Variants in SYT7 observed in about 807,000 individuals in gnomAD.
SYT7 encodes synaptotagmin-7.
Under a neutral mutation model 75.1 loss-of-function variants are expected in SYT7, and 29 were observed. That is an observed-to-expected ratio of 0.39 (90% CI 0.29 to 0.53). The LOEUF is 0.53. SYT7 is among the 20% of genes least tolerant of loss of function. The pLI is 0.77. For missense variants in SYT7, 693 were observed against 953.2 expected (o/e 0.73, Z 3.59); for synonymous variants, 376 against 401.7 (o/e 0.94, Z 0.76).
chr11:61,544,745 C>T (rs558228435), intron 5 of SYT7, among the ~76,000 whole-genome samples: 14 of 152,250 alleles, frequency 9.2e-5, no homozygotes, highest in East Asian at 1.9e-4. Context: ...GGAGACTGGC[C>T]GGGGCAGGCT....
chr11:61,573,877 G>A (rs1488919380), intron 1 of SYT7, among the ~76,000 whole-genome samples: 1 of 152,222 alleles, frequency 6.6e-6, no homozygotes, highest in Non-Finnish European at 1.5e-5. Flanking sequence ...ACACCCTTAG[G>A]TCTGGCAGCG....
chr11:61,567,124 A>G (rs2063791528), intron 1 of SYT7, among the ~76,000 whole-genome samples: 2 of 152,160 alleles, frequency 1.3e-5, no homozygotes, highest in Non-Finnish European at 2.9e-5. Context: ...AACTAGTGGG[A>G]ATCCAGGGGC....
rs1215649376 is a variant in SYT7 at position 61,542,217 on chromosome 11, G to A, written c.935C>T (p.Ser312Phe). 2.0e-6 allele frequency: 3 copies of A among 1,534,192 alleles called. No individual in the cohort carries two copies. Among genetic ancestry groups the A allele is most frequent in the Non-Finnish European group, 2.6e-6 (3 of 1,146,118 alleles). ...QIRNRGLDMK[S>F]FLEGRMVVLS... ...GCTCAAGGGGAGGACTTACAGGAAG[G>A]ATTTCATGTCCAAGCCTCGGTTTCG... Residue 312 changes from serine (S) to phenylalanine (F), a missense_variant, in exon 6 of 13, where the codon TCC becomes TTC. Coordinates refer to ENST00000539008, the MANE Select transcript of SYT7 (RefSeq NM_001365809.2). This position sits in a 1 kb window ranked among gnomAD's most constrained non-coding sequence, Gnocchi z 7.8.
chr11:61,530,185 T>A (rs2062661123), intron 8 of SYT7, among the ~76,000 whole-genome samples: 1 of 152,234 alleles, frequency 6.6e-6, no homozygotes, highest in Admixed American at 6.5e-5. Context: ...ACCCAGTTTA[T>A]CGGCCAGGAA....
At position 61,546,412 on chromosome 11, in the gene SYT7, G is replaced by C. The variant is rs905395593; in HGVS notation, c.348-157C>G. On this transcript the variant is annotated intron_variant, in intron 4 of 12. Transcript: ENST00000539008. The surrounding 1 kb of genome is among the most constrained non-coding windows in gnomAD (Gnocchi z 7.6). ...GACAGTGAGAGAGGAGGAGGAGAGA[G>C]ACAGACGGACATGAGACAGACAGAG... 52 of 573,514 alleles carry C rather than the reference G, an allele frequency of 9.1e-5. No individual in the cohort carries two copies. The highest frequency in any genetic ancestry group is 1.5e-4 in the Non-Finnish European group (48 of 327,594). 35.5% of individuals were successfully genotyped at this position (573,514 alleles called of 1,614,324 possible).
At chr11:61,556,993 A>ATGAGACC (rs113226799) in intron 1 of SYT7, among the ~76,000 whole-genome samples, 13,336 of 152,110 alleles carry the variant, frequency 0.088, 1,409 homozygotes, top group African/African-American at 0.25. Context: ...CTTGGCAAAG[A>ATGAGACC]TGTCCTGGGA....
In SYT7 at chr11:61,556,087, G is replaced by T. The variant is rs757434747; in HGVS notation, c.135+17C>A. 12 of 1,608,396 alleles carry T rather than the reference G, an allele frequency of 7.5e-6. No individual in the cohort carries two copies. The highest frequency in any genetic ancestry group is 1.7e-5 in the Admixed American group (1 of 59,720). ...AGGGCTAGGCACCACCCTCCAAGGG[G>T]CCCTCAGGAGCCTCACCAGTTTGCG... On this transcript the variant is annotated intron_variant, in intron 2 of 12. Transcript: ENST00000539008.
At position 61,523,352 on chromosome 11, in the gene SYT7, G is replaced by T; in HGVS notation, c.1757-78C>A. On this transcript the variant is annotated intron_variant, in intron 11 of 12. Coordinates refer to ENST00000539008, the MANE Select transcript of SYT7 (RefSeq NM_001365809.2). This position sits in a 1 kb window ranked among gnomAD's most constrained non-coding sequence, Gnocchi z 5.0. ...AGGATCCTTTTCCCCTTCCAGGAAT[G>T]GAAGCTGAGGCAGGAGGGCCGTGTG... 1 of 1,419,230 alleles carries T rather than the reference G, an allele frequency of 7.0e-7. No homozygotes were observed. The allele number at this position is 1,419,230 out of a possible 1,614,324, so 87.9% of individuals were successfully genotyped here. A position where few individuals can be genotyped will look rare whatever the true frequency, so the allele number is the denominator to read the frequency against.
intron 9 of SYT7, chr11:61,526,350 A>T (rs1177611518): frequency 1.3e-5 from 2 of 152,096 alleles, no homozygotes; most frequent in Admixed American, 6.6e-5. Context: ...AGGTCACTGC[A>T]CCCCAGTCAG....
At chr11:61,584,388 C>A (rs1297453302), upstream of SYT7, among the ~76,000 whole-genome samples, 1 of 104,806 alleles carries the variant, frequency 9.5e-6, no homozygotes, top group Non-Finnish European at 2.0e-5. Context: ...GAATGAGACT[C>A]CGTCTCAAAA....
At chr11:61,569,627 T>C (rs1258981036) in intron 1 of SYT7, among the ~76,000 whole-genome samples, 2 of 150,310 alleles carry the variant, frequency 1.3e-5, no homozygotes, top group African/African-American at 4.9e-5. Flanking sequence ...AGAGAGGAAG[T>C]GAGAAGGTGC....
chr11:61,532,177 T>G (rs2062732971), intron 8 of SYT7, among the ~76,000 whole-genome samples: 1 of 152,178 alleles, frequency 6.6e-6, no homozygotes, highest in Non-Finnish European at 1.5e-5. Context: ...GGAGATGAAG[T>G]GTCCCAGGTC....
At chr11:61,585,180 G>T (rs79642799), upstream of SYT7, among the ~76,000 whole-genome samples, 8,947 of 152,288 alleles carry the variant, frequency 0.059, 291 homozygotes, top group Non-Finnish European at 0.074. Context: ...AGGAGGCAGG[G>T]CTCCTGAGTT....
chr11:61,547,155 C>A, intron 4 of SYT7, 22 bp downstream of exon 4: 1 of 1,534,478 alleles, frequency 6.5e-7, no homozygotes, highest in South Asian at 1.2e-5. Context: ...TACATATGAT[C>A]AAACCAGGTA....
At chr11:61,574,238 T>C in intron 1 of SYT7, among the ~76,000 whole-genome samples, 1 of 152,184 alleles carries the variant, frequency 6.6e-6, no homozygotes, top group East Asian at 1.9e-4. Context: ...TCTCACCTCA[T>C]CTTCCAACCG....
rs2062105353 is a variant in SYT7, at chr11:61,514,180, T to C, written c.*4447A>G. On this transcript the variant is annotated 3_prime_UTR_variant, in exon 13 of 13. Transcript: ENST00000539008. ...AGTGGCAAGGGACTGCCCCCTGTGCTGGGCCTGAGCTGTCTCTGACTTCAG... is the reference window on the plus strand; with the variant it reads ...AGTGGCAAGGGACTGCCCCCTGTGCCGGGCCTGAGCTGTCTCTGACTTCAG... 6.6e-6 allele frequency among the ~76,000 whole-genome samples: 1 copy of C among 152,226 alleles called. No individual in the cohort carries two copies. The highest frequency in any genetic ancestry group is 1.5e-5 in the Non-Finnish European group (1 of 68,042).
At chr11:61,538,816 G>A (rs564513861) in intron 6 of SYT7, among the ~76,000 whole-genome samples, 14 of 152,314 alleles carry the variant, frequency 9.2e-5, no homozygotes, top group South Asian at 6.2e-4. Context: ...TGAAAGTTTC[G>A]AAATCCAGTG....
intron 6 of SYT7, chr11:61,541,330 G>A (rs1042956518): frequency 1.0e-6 from 1 of 984,976 alleles, no homozygotes; most frequent in African/African-American, 1.8e-5. Flanking sequence ...GCAAAGGAGG[G>A]GGGTGATGTT....
In SYT7 at chr11:61,556,142, C is replaced by G. The variant is rs142606373; in HGVS notation, c.97G>C (p.Val33Leu). The G allele has an allele frequency of 7.4e-6, 12 of 1,614,034 alleles. No individual in the cohort carries two copies. The highest frequency in any genetic ancestry group is 1.7e-4 in the Middle Eastern group (1 of 6,054). ...CACCAGTGGCAGAGGCCGCAGAGGA[C>G]GACAGTGACGCTAAGGCTGACGGTG... ...IITVSLSVTV[V>L]LCGLCHWCQR... is the part of the protein sequence containing the mutation. The change falls in exon 2 of 13, where the codon GTC becomes CTC. Residue 33 changes from valine to leucine, a missense_variant. Transcript: ENST00000539008.
Sources: allele counts gnomAD v4.1 joint callset (sites outside exome capture counted in the v4.1 genomes callset), GRCh38; gene constraint gnomAD v4.1.1; non-coding constraint Gnocchi (gnomAD v3.1); transcripts MANE v1.5; gene names NCBI Gene and HGNC (gene_info 2026-07-23, HGNC 2026-07-21).